The following EIF4E2 variants were observed in gnomAD, a reference collection of about 807,000 sequenced individuals.
EIF4E2 encodes the protein eukaryotic translation initiation factor 4E family member 2.
In EIF4E2, 13 loss-of-function variants were observed where a neutral mutation model predicts 34.2. The ratio of observed to expected loss-of-function variants is 0.38; its 90% CI spans 0.25 to 0.60. EIF4E2 has a LOEUF of 0.60. EIF4E2 is among the 20% of genes least tolerant of loss of function. EIF4E2 has a pLI of 0.62. For missense variants in EIF4E2, 222 were observed against 315.1 expected (o/e 0.70, Z 2.24); for synonymous variants, 100 against 106.6 (o/e 0.94, Z 0.38).
rs546233257 is a variant in EIF4E2 at position 232,579,575 on chromosome 2, C to G, written c.666-1329C>G. Among the ~76,000 whole-genome samples, 9 of 152,266 alleles carry G rather than the reference C, an allele frequency of 5.9e-5. No individual in the cohort carries two copies. The South Asian group carries it at 1.9e-3, about 32-fold the overall frequency. On this transcript the variant is annotated intron_variant, in intron 6 of 6. Transcript: ENST00000409098. ...GCCATCATGGAGGAGGATCTGTTAG[C>G]CAGTAACAGAAAGAAACTGCTGTTT...
At chr2:232,562,760 T>C (rs1692766955) in intron 3 of EIF4E2, among the ~76,000 whole-genome samples, 2 of 152,366 alleles carry the variant, frequency 1.3e-5, no homozygotes, top group African/African-American at 2.4e-5. Context: ...TACTTGGTTC[T>C]AGTGGGTATA....
intron 6 of EIF4E2, 50 bp from the exon 7 acceptor site, chr2:232,568,895 T>TC: frequency 6.2e-7 from 1 of 1,612,670 alleles, no homozygotes; most frequent in Non-Finnish European, 8.5e-7. Context: ...TTCCCTTGCG[T>TC]CCCCCTCTCT....
chr2:232,562,604 A>G (rs2106243668), intron 3 of EIF4E2, among the ~76,000 whole-genome samples: 1 of 152,198 alleles, frequency 6.6e-6, no homozygotes, highest in African/African-American at 2.4e-5. Context: ...AAAACAAACA[A>G]AAAAAAGATT....
chr2:232,560,225 A>G (rs1390082645), intron 3 of EIF4E2, among the ~76,000 whole-genome samples: 3 of 152,176 alleles, frequency 2.0e-5, no homozygotes, highest in Non-Finnish European at 4.4e-5. Flanking sequence ...CCAGTAATGT[A>G]AGGTACCAAG....
At chr2:232,582,892 T>A (rs1286213020) in exon 7 of EIF4E2, 1 of 152,204 alleles carries the variant, frequency 6.6e-6, no homozygotes, top group Non-Finnish European at 1.5e-5. Flanking sequence ...GTTGTAGTAT[T>A]TGACAGTTGT....
intron 1 of EIF4E2, chr2:232,553,888 G>T (rs932646974): frequency 4.6e-5 from 7 of 152,130 alleles, no homozygotes; most frequent in African/African-American, 1.7e-4. Context: ...AGAAAGGAAG[G>T]TATATACTTT....
intron 6 of EIF4E2, 24 bp downstream of exon 6, chr2:232,567,238 G>A: frequency 1.9e-6 from 3 of 1,613,720 alleles, no homozygotes; most frequent in Non-Finnish European, 2.5e-6. Flanking sequence ...GGTTATGGGA[G>A]GACGTGTCCC....
rs1046571341 is a variant in EIF4E2, at chr2:232,581,493, G to C, written c.*550G>C. 2.0e-5 allele frequency: 5 copies of C among 253,646 alleles called. No individual in the cohort carries two copies. The highest frequency in any genetic ancestry group is 3.1e-5 in the Non-Finnish European group (4 of 129,606). 15.7% of individuals were successfully genotyped at this position (253,646 alleles called of 1,614,324 possible). A position where few individuals can be genotyped will look rare whatever the true frequency, so the allele number is the denominator to read the frequency against. On this transcript the variant is annotated 3_prime_UTR_variant, in exon 7 of 7. Transcript: ENST00000409098. This position sits in a 1 kb window ranked among gnomAD's most constrained non-coding sequence, Gnocchi z 5.2. ...AAGCTGTGTTACTGATGTGATGACT[G>C]TCCAGGATTTTGTATCATCCCCTGC...
chr2:232,567,996 G>T lies in EIF4E2; in HGVS notation c.665+782G>T, dbSNP rs1460654682. On this transcript the variant is annotated intron_variant, in intron 6 of 6. Transcript: ENST00000258416. ...TGGCCCCATACCAATATGTGCCTTT[G>T]ACAAGTGTCTTTGCAACTTTGCTTC... 4.1e-6 allele frequency: 4 copies of T among 975,512 alleles called. No homozygotes were observed. The African/African-American group carries it at 5.3e-5, about 13-fold the overall frequency. The allele number at this position is 975,512 out of a possible 1,614,324, so 60.4% of individuals were successfully genotyped here.
chr2:232,552,759 T>C (rs1559311375), intron 1 of EIF4E2, among the ~76,000 whole-genome samples: 1 of 152,006 alleles, frequency 6.6e-6, no homozygotes, highest in Non-Finnish European at 1.5e-5. Context: ...ACTATTGTAT[T>C]GAGCCAGAAT....
downstream of EIF4E2, chr2:232,574,180 T>G: frequency 6.0e-6 from 8 of 1,337,126 alleles, no homozygotes; most frequent in South Asian, 1.3e-5. Context: ...TGAAGGGGGA[T>G]GTGGGGTTAT....
At chr2:232,553,447 G>T (rs1474707569) in intron 1 of EIF4E2, among the ~76,000 whole-genome samples, 2 of 152,058 alleles carry the variant, frequency 1.3e-5, no homozygotes, top group African/African-American at 4.8e-5. Context: ...CTGTCTGATG[G>T]TGAGGGTATA....
At position 232,564,243 on chromosome 2, in the gene EIF4E2, G is replaced by A. The variant is rs1004380527; in HGVS notation, c.271-4G>A. 3 of 1,582,586 alleles carry A rather than the reference G, an allele frequency of 1.9e-6. No homozygotes were observed. Among genetic ancestry groups the A allele is most frequent in the South Asian group, 2.3e-5 (2 of 86,370 alleles). ...TTTTTTACTCTGGGGTCTTCTCTCT[G>A]CAGGTGGAGCAGTTCTGGAGGTTTT... On this transcript the variant is annotated splice_polypyrimidine_tract_variant and splice_region_variant and intron_variant, in intron 3 of 6. Coordinates refer to ENST00000258416, the MANE Select transcript of EIF4E2 (RefSeq NM_004846.4).
intron 6 of EIF4E2, chr2:232,568,440 T>G: frequency 1.0e-6 from 1 of 985,374 alleles, no homozygotes; most frequent in Non-Finnish European, 1.2e-6. Context: ...GTGTTAGCAT[T>G]GCTTTACTCT....
In EIF4E2 at chr2:232,567,232, A is replaced by T. The variant is rs370502816; in HGVS notation, c.665+18A>T. ...AGCATCAAGTACGTGTTGGGGGGTT[A>T]TGGGAGGACGTGTCCCTAAGCTTAG... On this transcript the variant is annotated intron_variant, in intron 6 of 6. Coordinates refer to ENST00000258416, the MANE Select transcript of EIF4E2 (RefSeq NM_004846.4). 6.2e-6 allele frequency: 10 copies of T among 1,613,880 alleles called. No individual in the cohort carries two copies. The highest frequency in any genetic ancestry group is 4.0e-5 in the African/African-American group (3 of 74,910).
chr2:232,577,236 G>A (rs1297174714), intron 6 of EIF4E2, among the ~76,000 whole-genome samples: 1 of 152,224 alleles, frequency 6.6e-6, no homozygotes, highest in African/African-American at 2.4e-5. Flanking sequence ...GAGGAAGCCA[G>A]AACTGGCCTG....
rs1388706892 is a variant in EIF4E2, at chr2:232,566,549, C to T, written c.376-280C>T. ...CTGTGCTTGAAATATGACATCATTT[C>T]GTTTTGATTCCTAAAGTATTTCCAG... On this transcript the variant is annotated intron_variant, in intron 4 of 6. Transcript: ENST00000258416. This position sits in a 1 kb window ranked among gnomAD's most constrained non-coding sequence, Gnocchi z 4.9. Among the ~76,000 whole-genome samples, 2 of 152,132 alleles carry T rather than the reference C, an allele frequency of 1.3e-5. No homozygotes were observed. Among genetic ancestry groups the T allele is most frequent in the African/African-American group, 4.8e-5 (2 of 41,432 alleles).
At position 232,563,196 on chromosome 2, in the gene EIF4E2, A is replaced by G. The variant is rs530702657; in HGVS notation, c.271-1051A>G. ...GTTCCGTGTTTTCTCTTTCCTCCTA[A>G]AGTGTGCCTCTTCACTGGCCAGTAC... On this transcript the variant is annotated intron_variant, in intron 3 of 6. Coordinates refer to ENST00000258416, the MANE Select transcript of EIF4E2 (RefSeq NM_004846.4). Among the ~76,000 whole-genome samples, 5 of 152,168 alleles carry G rather than the reference A, an allele frequency of 3.3e-5. No homozygotes were observed. In the South Asian group the frequency reaches 1.0e-3, roughly 32 times the overall value.
intron 6 of EIF4E2, chr2:232,568,121 T>C: frequency 1.0e-6 from 1 of 985,432 alleles, no homozygotes; most frequent in Non-Finnish European, 1.2e-6. Flanking sequence ...GGAGAATGCT[T>C]TTACGGGGCC....
Sources: gnomAD v4.1 joint callset for allele counts (sites outside exome capture counted in the v4.1 genomes callset) on GRCh38, gnomAD v4.1.1 for gene constraint, Gnocchi (gnomAD v3.1) non-coding constraint, MANE v1.5 for transcripts, NCBI Gene and HGNC (gene_info 2026-07-23, HGNC 2026-07-21) for gene names.